The following ZNF462 variants were observed in gnomAD, a reference collection of about 807,000 sequenced individuals.
The protein encoded by ZNF462 is zinc finger PBX1-interacting protein.
A neutral mutation model predicts 201.9 loss-of-function variants in ZNF462; 10 were observed. The observed-to-expected ratio is 0.05, with a 90% CI of 0.03 to 0.08. The LOEUF is 0.08. ZNF462 is among the 10% of genes least tolerant of loss of function. ZNF462 has a pLI of 1.00. For synonymous variants in ZNF462, 1,227 were observed against 1,193.3 expected (o/e 1.03, Z -0.58); for missense variants, 2,523 against 3,168.3 (o/e 0.80, Z 4.89).
At chr9:106,948,270 T>A (rs562759755) in intron 7 of ZNF462, among the ~76,000 whole-genome samples, 2 of 152,252 alleles carry the variant, frequency 1.3e-5, no homozygotes, top group African/African-American at 4.8e-5. Context: ...TACTTAACAC[T>A]GGGAAGAGGA....
At chr9:106,990,069 T>C (rs1430262732) in intron 10 of ZNF462, among the ~76,000 whole-genome samples, 4 of 152,088 alleles carry the variant, frequency 2.6e-5, no homozygotes, top group African/African-American at 4.8e-5. Flanking sequence ...TCTTGGTGAT[T>C]TCCCTTAACA....
chr9:106,954,188 G>GA lies in ZNF462; in HGVS notation c.6427+15085dup, dbSNP rs1479767042. Among the ~76,000 whole-genome samples, 1 of 152,140 alleles carries GA rather than the reference G, an allele frequency of 6.6e-6. No individual in the cohort carries two copies. The highest frequency in any genetic ancestry group is 1.9e-4 in the East Asian group (1 of 5,190). On this transcript the variant is annotated intron_variant, in intron 7 of 12. Transcript: ENST00000277225. The surrounding 1 kb of genome is among the most constrained non-coding windows in gnomAD (Gnocchi z 4.0). ...TACCTGAGACTGCGTAATTTATAAA[G>GA]AAAAGAGGTTTAATTGACTCACGGT...
Position 107,003,214 on chromosome 9 carries a change from G to T in ZNF462, c.7057-80G>T, listed in dbSNP as rs997594345. 7.1e-6 allele frequency: 11 copies of T among 1,554,502 alleles called. No homozygotes were observed. The highest frequency in any genetic ancestry group is 1.4e-5 in the African/African-American group (1 of 72,564). On this transcript the variant is annotated intron_variant, in intron 10 of 12. Transcript: ENST00000277225. The surrounding 1 kb of genome is among the most constrained non-coding windows in gnomAD (Gnocchi z 4.4). ...AAAACCACAGTCACAGGAAAATGAT[G>T]TTAGAAAGATCTCTCCATCAGGGAG...
chr9:106,894,127 G>A (rs896755748), intron 1 of ZNF462, among the ~76,000 whole-genome samples: 1 of 152,198 alleles, frequency 6.6e-6, no homozygotes, highest in African/African-American at 2.4e-5. Context: ...TATACAACTT[G>A]CCAAGCAAGA....
chr9:106,927,718 A>C lies in ZNF462; in HGVS notation c.3806A>C (p.Gln1269Pro). ...KTKLRALKCR[Q>P]CSYTSPYFYA... ...AAACTCCGAGCACTCAAATGTAGGC[A>C]GTGCTCATATACCTCCCCCTACTTC... is the stretch of plus-strand genomic sequence containing the variant. The change falls in exon 3 of 13, where the codon CAG (glutamine) becomes CCG (proline). Residue 1269 changes from glutamine (Q) to proline (P), a missense_variant. This residue lies in a region of ZNF462 where 222 missense variants were observed against 271.6 expected (regional missense o/e 0.82). Coordinates refer to ENST00000277225, the MANE Select transcript of ZNF462 (RefSeq NM_021224.6). 2 of 1,614,120 alleles carry C rather than the reference A, an allele frequency of 1.2e-6. No homozygotes were observed. Among genetic ancestry groups the C allele is most frequent in the Non-Finnish European group, 1.7e-6 (2 of 1,180,022 alleles).
chr9:106,992,915 G>A (rs1828398383), intron 10 of ZNF462, among the ~76,000 whole-genome samples: 1 of 152,040 alleles, frequency 6.6e-6, no homozygotes, highest in African/African-American at 2.4e-5. Context: ...TTAATTTCCT[G>A]TAGTCTTTTT....
At position 106,970,358 on chromosome 9, in the gene ZNF462, A is replaced by C. The variant is rs1826532904; in HGVS notation, c.6428-1647A>C. Among the ~76,000 whole-genome samples the C allele has an allele frequency of 6.6e-6, 1 of 152,168 alleles. No individual in the cohort carries two copies. Among genetic ancestry groups the C allele is most frequent in the Non-Finnish European group, 1.5e-5 (1 of 68,024 alleles). On this transcript the variant is annotated intron_variant, in intron 7 of 12. Coordinates refer to ENST00000277225, the MANE Select transcript of ZNF462 (RefSeq NM_021224.6). The surrounding 1 kb of genome is among the most constrained non-coding windows in gnomAD (Gnocchi z 4.2). ...TGAGGAGGCGGGGAGGAGAACAAGA[A>C]GGGGAAGATATTTGAGTGTTTTGCA...
Position 106,920,531 on chromosome 9 carries a change from G to T in ZNF462, c.-30-2823G>T, listed in dbSNP as rs903850871. Among the ~76,000 whole-genome samples the T allele has an allele frequency of 6.6e-6, 1 of 152,140 alleles. No individual in the cohort carries two copies. The highest frequency in any genetic ancestry group is 2.4e-5 in the African/African-American group (1 of 41,416). On this transcript the variant is annotated intron_variant, in intron 1 of 12. Coordinates refer to ENST00000277225, the MANE Select transcript of ZNF462 (RefSeq NM_021224.6). This position sits in a 1 kb window ranked among gnomAD's most constrained non-coding sequence, Gnocchi z 4.3. ...GGCCTGGAGATTAACCTCTTCTAAG[G>T]CTCTGAGCTATTTTTGAGGCAGAGG... is the stretch of plus-strand genomic sequence containing the variant.
chr9:106,892,266 A>G (rs1184910025), intron 1 of ZNF462, among the ~76,000 whole-genome samples: 2 of 152,230 alleles, frequency 1.3e-5, no homozygotes, highest in African/African-American at 2.4e-5. Flanking sequence ...CTTTTGTTCT[A>G]TAATAATCCT....
Position 106,927,284 on chromosome 9 carries a change from G to T in ZNF462, c.3372G>T (p.Arg1124=), listed in dbSNP as rs1426311219. 6.2e-7 allele frequency: 1 copy of T among 1,612,296 alleles called. No individual in the cohort carries two copies. The highest frequency in any genetic ancestry group is 8.5e-7 in the Non-Finnish European group (1 of 1,179,764). ...GCAAACACTGTTCCTACAGCAATCGGTCAGTTGTGGGAGTGCTTGTCCACT... is the reference window on the plus strand; with the variant it reads ...GCAAACACTGTTCCTACAGCAATCGTTCAGTTGTGGGAGTGCTTGTCCACT... ...YYCKHCSYSN[R]SVVGVLVHYQ... is the part of the protein sequence containing the mutation. The change falls in exon 3 of 13, where the codon CGG becomes CGT. Residue 1124 remains arginine, a synonymous_variant. Coordinates refer to ENST00000277225, the MANE Select transcript of ZNF462 (RefSeq NM_021224.6).
chr9:106,916,153 T>C (rs926159925), intron 1 of ZNF462, among the ~76,000 whole-genome samples: 10 of 152,104 alleles, frequency 6.6e-5, no homozygotes, highest in South Asian at 2.1e-4. Flanking sequence ...TGCATAGTAA[T>C]AGAAAACAAG....
chr9:106,970,839 T>C lies in ZNF462; in HGVS notation c.6428-1166T>C, dbSNP rs113985934. On this transcript the variant is annotated intron_variant, in intron 7 of 12. Transcript: ENST00000277225. The surrounding 1 kb of genome is among the most constrained non-coding windows in gnomAD (Gnocchi z 4.2). ...TTATTTTTACTTTTTTTTCTCTTCTTTTTTTTTAATTCAAAGAAGAAACGC... is the reference window on the plus strand; with the variant it reads ...TTATTTTTACTTTTTTTTCTCTTCTCTTTTTTTAATTCAAAGAAGAAACGC... Among the ~76,000 whole-genome samples the C allele has an allele frequency of 0.19, 28,482 of 151,444 alleles. 3,507 individuals are homozygous for C. Among genetic ancestry groups the C allele is most frequent in the African/African-American group, 0.36 (14,659 of 41,222 alleles).
rs1830574700 is a variant in ZNF462, at chr9:106,935,036, G to A, written c.6117-467G>A. Among the ~76,000 whole-genome samples, 1 of 152,164 alleles carries A rather than the reference G, an allele frequency of 6.6e-6. No homozygotes were observed. Among genetic ancestry groups the A allele is most frequent in the South Asian group, 2.1e-4 (1 of 4,824 alleles). On this transcript the variant is annotated intron_variant, in intron 5 of 12. Coordinates refer to ENST00000277225, the MANE Select transcript of ZNF462 (RefSeq NM_021224.6). The surrounding 1 kb of genome is among the most constrained non-coding windows in gnomAD (Gnocchi z 4.1). ...CCTTCCTCACTCTAGTGTTCACAAT[G>A]AAAGTAGAATTAGAATTCAAAAAGA...
intron 1 of ZNF462, among the ~76,000 whole-genome samples, chr9:106,893,915 C>G (rs1033162937): frequency 6.6e-6 from 1 of 152,128 alleles, no homozygotes; most frequent in Admixed American, 6.6e-5. Context: ...GCCTACAAAC[C>G]TCTTTGAGAT....
Position 106,950,296 on chromosome 9 carries a change from TGAAA to T in ZNF462, c.6427+11192_6427+11195del, listed in dbSNP as rs1831284748. Among the ~76,000 whole-genome samples the T allele has an allele frequency of 1.3e-5, 2 of 152,194 alleles. No individual in the cohort carries two copies. The highest frequency in any genetic ancestry group is 1.9e-4 in the East Asian group (1 of 5,200). ...AAGTATTTCAAGGTATTTTCTTAAG[TGAAA>T]GAGACAGGAATAGAGCCACAACCAA... On this transcript the variant is annotated intron_variant, in intron 7 of 12. Transcript: ENST00000277225. This position sits in a 1 kb window ranked among gnomAD's most constrained non-coding sequence, Gnocchi z 4.1.
intron 7 of ZNF462, among the ~76,000 whole-genome samples, chr9:106,942,099 G>A (rs1364000290): frequency 6.6e-6 from 1 of 152,222 alleles, no homozygotes; most frequent in Non-Finnish European, 1.5e-5. Flanking sequence ...GGGGAGTCAA[G>A]ATCCATAAAA....
In ZNF462 at chr9:106,905,323, G is replaced by A. The variant is rs550604603; in HGVS notation, c.-30-18031G>A. Among the ~76,000 whole-genome samples the A allele has an allele frequency of 1.3e-5, 2 of 152,322 alleles. No homozygotes were observed. Among genetic ancestry groups the A allele is most frequent in the South Asian group, 2.1e-4 (1 of 4,826 alleles). On this transcript the variant is annotated intron_variant, in intron 1 of 12. Coordinates refer to ENST00000277225, the MANE Select transcript of ZNF462 (RefSeq NM_021224.6). The surrounding 1 kb of genome is among the most constrained non-coding windows in gnomAD (Gnocchi z 5.9). ...GATACCAGCACCTGTTCTGGTGGAG[G>A]TGGCAGAGTGTGCAATGGACTCTCT...
At chr9:106,999,205 C>T (rs1027305323) in intron 10 of ZNF462, among the ~76,000 whole-genome samples, 3 of 152,130 alleles carry the variant, frequency 2.0e-5, no homozygotes, top group Non-Finnish European at 4.4e-5. Flanking sequence ...AACTGCTTCT[C>T]ATCTTTAGAG....
rs1226055161 is a variant in ZNF462, at chr9:106,970,487, A to G, written c.6428-1518A>G. Among the ~76,000 whole-genome samples the G allele has an allele frequency of 6.6e-6, 1 of 152,182 alleles. No homozygotes were observed. ...GCTGGTTTCATCAAATATGGGTTTT[A>G]GAGAATTCCTCCATGTCCTGCCTTA... On this transcript the variant is annotated intron_variant, in intron 7 of 12. Transcript: ENST00000277225. This position sits in a 1 kb window ranked among gnomAD's most constrained non-coding sequence, Gnocchi z 4.2.
Sources: allele counts gnomAD v4.1 joint callset (sites outside exome capture counted in the v4.1 genomes callset), GRCh38; gene constraint gnomAD v4.1.1; regional missense constraint gnomAD v4.1.1; non-coding constraint Gnocchi (gnomAD v3.1); transcripts MANE v1.5; gene names NCBI Gene and HGNC (gene_info 2026-07-23, HGNC 2026-07-21).